JPT1: variants seen among roughly 807,000 people sequenced by gnomAD.
The protein encoded by JPT1 is androgen-regulated protein 2.
A neutral mutation model predicts 17.0 loss-of-function variants in JPT1; 5 were observed. That is an observed-to-expected ratio of 0.29 (90% CI 0.15 to 0.62). The LOEUF is 0.62. Among genes scored for constraint, JPT1 ranks in the 20% least tolerant of loss-of-function variants. The pLI is 0.85. For missense variants in JPT1, 158 were observed against 188.1 expected (o/e 0.84, Z 0.94); for synonymous variants, 71 against 73.6 (o/e 0.96, Z 0.18).
At chr17:75,137,538 T>TA (rs1198355641) in intron 4 of JPT1, among the ~76,000 whole-genome samples, 3 of 151,574 alleles carry the variant, frequency 2.0e-5, no homozygotes, top group Non-Finnish European at 2.9e-5. Flanking sequence ...GTTTTTTTTT[T>TA]TTTTTTATTT....
chr17:75,149,652 C>T (rs1474587442), intron 1 of JPT1, among the ~76,000 whole-genome samples: 1 of 152,178 alleles, frequency 6.6e-6, no homozygotes, highest in East Asian at 1.9e-4. Context: ...CAGGCATGAG[C>T]CACCACGCCC....
intron 3 of JPT1, 81 bp downstream of exon 3, chr17:75,147,475 T>C: frequency 1.1e-6 from 1 of 934,764 alleles, no homozygotes; most frequent in Non-Finnish European, 1.7e-6. Flanking sequence ...AAAATTCCAG[T>C]GGGTGAACTG....
At chr17:75,152,785 T>G (rs1262422794) in intron 1 of JPT1, 4 of 152,200 alleles carry the variant, frequency 2.6e-5, no homozygotes, top group Admixed American at 2.0e-4. Flanking sequence ...TCTCTTCCTG[T>G]TCTCTGAAGA....
Position 75,142,266 on chromosome 17 carries a change from AG to A in JPT1, c.316+4399del, listed in dbSNP as rs562905728. On this transcript the variant is annotated intron_variant, in intron 4 of 4. Coordinates refer to ENST00000409753, the MANE Select transcript of JPT1 (RefSeq NM_016185.4). ...CAGTGAAAGTATTCAGAATATAGAA[AG>A]CAGTAGAACCGGCCGGGCCTGGTGG... 2.1e-4 allele frequency among the ~76,000 whole-genome samples: 32 copies of A among 151,798 alleles called. No individual in the cohort carries two copies. The East Asian group carries it at 6.1e-3, about 29-fold the overall frequency.
At chr17:75,147,479 T>A (rs1382508) in intron 3 of JPT1, 77 bp downstream of exon 3, 947,620 of 965,824 alleles carry the variant, frequency 0.98, 465,298 homozygotes, top group East Asian at 0.99. Flanking sequence ...TTCCAGTGGG[T>A]GAACTGAAAC....
chr17:75,147,785 G>T (rs1835182762), intron 2 of JPT1, 132 bp from the exon 3 acceptor site: 2 of 655,396 alleles, frequency 3.1e-6, no homozygotes, highest in Admixed American at 4.9e-5. Context: ...GATCACCTGA[G>T]GTCAGGAGTT....
intron 4 of JPT1, among the ~76,000 whole-genome samples, chr17:75,143,111 G>A (rs1431549306): frequency 6.6e-6 from 1 of 152,190 alleles, no homozygotes; most frequent in African/African-American, 2.4e-5. Flanking sequence ...CCATACCCTG[G>A]AGGAGGGAAT....
intron 1 of JPT1, among the ~76,000 whole-genome samples, chr17:75,150,397 T>C (rs1264930390): frequency 6.6e-6 from 1 of 151,958 alleles, no homozygotes; most frequent in African/African-American, 2.4e-5. Flanking sequence ...GGATTACAGG[T>C]GCCCACCACC....
At chr17:75,137,336 G>GTTTGT (rs71361659) in intron 4 of JPT1, among the ~76,000 whole-genome samples, 18 of 151,150 alleles carry the variant, frequency 1.2e-4, no homozygotes, top group Non-Finnish European at 2.7e-4. Flanking sequence ...TTGTTTGTTT[G>GTTTGT]TTTTTTGTGG....
chr17:75,145,210 T>A (rs1193349994), intron 4 of JPT1: 1 of 107,054 alleles, frequency 9.3e-6, no homozygotes, highest in Non-Finnish European at 2.5e-5. Flanking sequence ...CAGAACACTG[T>A]GTGAGAAGGC....
rs1484883246 is a variant in JPT1, at chr17:75,154,481, A to G, written c.-84T>C. The G allele has an allele frequency of 1.5e-6, 2 of 1,308,788 alleles. No homozygotes were observed. The highest frequency in any genetic ancestry group is 2.1e-6 in the Non-Finnish European group (2 of 952,048). 81.1% of individuals were successfully genotyped at this position (1,308,788 alleles called of 1,614,324 possible). ...AGGGGCGCTGGGAAACTCCACACCC[A>G]ACAGCCGACCACCGCTGCAGGAGCC... On this transcript the variant is annotated 5_prime_UTR_variant, in exon 1 of 5. Transcript: ENST00000409753.
intron 1 of JPT1, among the ~76,000 whole-genome samples, chr17:75,151,661 A>G (rs2074555231): frequency 6.6e-6 from 1 of 151,574 alleles, no homozygotes; most frequent in Admixed American, 6.6e-5. Flanking sequence ...GACTGTCTCA[A>G]AAAAATAAAT....
intron 3 of JPT1, among the ~76,000 whole-genome samples, chr17:75,147,295 G>T (rs1017291931): frequency 2.0e-5 from 3 of 152,000 alleles, no homozygotes; most frequent in Non-Finnish European, 4.4e-5. Context: ...AGACACACAG[G>T]AAGTGAGAAA....
chr17:75,150,356 C>T (rs1486257545), intron 1 of JPT1, among the ~76,000 whole-genome samples: 3 of 151,986 alleles, frequency 2.0e-5, no homozygotes, highest in Non-Finnish European at 4.4e-5. Flanking sequence ...CGGGTTCAAG[C>T]GATTCTCCTG....
At chr17:75,143,155 C>T (rs559884866) in intron 4 of JPT1, among the ~76,000 whole-genome samples, 2 of 152,204 alleles carry the variant, frequency 1.3e-5, no homozygotes, top group Middle Eastern at 3.2e-3. Context: ...ATCTAACAGA[C>T]GGGCCTTCTG....
rs761879488 is a variant in JPT1, at chr17:75,147,650, G to A, written c.203C>T (p.Ala68Val). 1 of 1,611,638 alleles carries A rather than the reference G, an allele frequency of 6.2e-7. No individual in the cohort carries two copies. The highest frequency in any genetic ancestry group is 8.5e-7 in the Non-Finnish European group (1 of 1,178,016). Residue 68 changes from alanine (A) to valine (V), a missense_variant, in exon 3 of 5, where the codon GCC becomes GTC. Transcript: ENST00000409753. ...NQASWAKSAG[A>V]KSSGGREDLE... ...GTCTTCCCTGCCACCACTAGACTTGGCACCTAAAAATCAAAATATACTTTC... is the reference window on the plus strand; with the variant it reads ...GTCTTCCCTGCCACCACTAGACTTGACACCTAAAAATCAAAATATACTTTC...
At chr17:75,150,258 C>CT (rs796385659) in intron 1 of JPT1, among the ~76,000 whole-genome samples, 439 of 145,256 alleles carry the variant, frequency 3.0e-3, no homozygotes, top group East Asian at 0.01. Flanking sequence ...TTTTTCTTTT[C>CT]TTTTTTTTTT....
intron 1 of JPT1, among the ~76,000 whole-genome samples, chr17:75,150,102 T>C (rs1395407255): frequency 2.0e-5 from 3 of 152,312 alleles, no homozygotes; most frequent in Non-Finnish European, 4.4e-5. Flanking sequence ...TGTAGCTTTC[T>C]GTTCAACATG....
At chr17:75,150,623 G>A (rs1431592950) in intron 1 of JPT1, among the ~76,000 whole-genome samples, 4 of 151,872 alleles carry the variant, frequency 2.6e-5, no homozygotes, top group Non-Finnish European at 5.9e-5. Context: ...CCTGACCTCA[G>A]GTGATCCGCC....
Sources: gnomAD v4.1 joint callset for allele counts (sites outside exome capture counted in the v4.1 genomes callset) on GRCh38, gnomAD v4.1.1 for gene constraint, MANE v1.5 for transcripts, NCBI Gene and HGNC (gene_info 2026-07-23, HGNC 2026-07-21) for gene names.